DTNA: variants seen among roughly 807,000 people sequenced by gnomAD.
The protein encoded by DTNA is dystrophin-related protein 3.
A neutral mutation model predicts 100.7 loss-of-function variants in DTNA; 43 were observed. The ratio of observed to expected loss-of-function variants is 0.43; its 90% confidence interval spans 0.33 to 0.55. The LOEUF is 0.55. DTNA is among the 20% of genes least tolerant of loss of function. The pLI, the probability that DTNA is intolerant of heterozygous loss-of-function variation, is 0.04. For synonymous variants in DTNA, 349 were observed against 347.9 expected, an observed-to-expected ratio of 1.00 and a Z score of -0.04; for missense variants, 798 against 953.9, an observed-to-expected ratio of 0.84 and a Z score of 2.15.
In DTNA at chr18:34,824,531, C is replaced by A. The variant is rs142440435; in HGVS notation, c.1002-3062C>A. Reference sequence around the variant, plus strand: ...GGCACATGTATACCTACGTAACAAACCTGCAGGTTCTGCACATGTACCCCA... The same window carrying A: ...GGCACATGTATACCTACGTAACAAAACTGCAGGTTCTGCACATGTACCCCA... On this transcript the variant is annotated intron_variant, in intron 9 of 22. Coordinates refer to ENST00000444659, the MANE Select transcript of DTNA (RefSeq NM_001386795.1). 6.3e-3 allele frequency among the ~76,000 whole-genome samples: 955 copies of A among 151,816 alleles called. 14 individuals are homozygous for A. Among genetic ancestry groups the A allele is most frequent in the African/African-American group, 0.022 (909 of 41,406 alleles).
intron 3 of DTNA, among the ~76,000 whole-genome samples, chr18:34,792,593 T>C (rs559356506): frequency 2.0e-5 from 3 of 152,328 alleles, no homozygotes; most frequent in South Asian, 4.1e-4. Context: ...ACGGAAACTG[T>C]TATATTTCAT....
intron 1 of DTNA, among the ~76,000 whole-genome samples, chr18:34,595,237 T>C (rs1415429914): frequency 1.3e-5 from 2 of 152,278 alleles, no homozygotes; most frequent in East Asian, 3.8e-4. Context: ...TGCATGCACC[T>C]GGGTGCTCAC....
intron 4 of DTNA, among the ~76,000 whole-genome samples, chr18:34,802,228 T>C (rs2095240668): frequency 6.6e-6 from 1 of 152,212 alleles, no homozygotes; most frequent in African/African-American, 2.4e-5. Flanking sequence ...CAGCACACAC[T>C]GGTGGTTGGC....
chr18:34,846,563 T>A (rs1252479750), intron 13 of DTNA, among the ~76,000 whole-genome samples: 1 of 152,020 alleles, frequency 6.6e-6, no homozygotes, highest in Non-Finnish European at 1.5e-5. Context: ...GGGCTAAGTC[T>A]AGAGTGGAAG....
At chr18:34,573,566 T>G (rs1402828980) in intron 1 of DTNA, among the ~76,000 whole-genome samples, 1 of 152,212 alleles carries the variant, frequency 6.6e-6, no homozygotes, top group Non-Finnish European at 1.5e-5. Context: ...TAGGCTCTTT[T>G]TTATTCTTCT....
intron 17 of DTNA, chr18:34,866,166 C>T: frequency 6.2e-7 from 1 of 1,614,156 alleles, no homozygotes; most frequent in South Asian, 1.1e-5. Context: ...TCTTAACTAA[C>T]AGTGGAGGGG....
intron 10 of DTNA, among the ~76,000 whole-genome samples, chr18:34,828,701 G>GA (rs1187488670): frequency 6.6e-6 from 1 of 152,168 alleles, no homozygotes; most frequent in Non-Finnish European, 1.5e-5. Context: ...GAATATGGCA[G>GA]AAAATGGGGT....
chr18:34,703,466 G>A (rs73946148), intron 1 of DTNA, among the ~76,000 whole-genome samples: 2,025 of 152,228 alleles, frequency 0.013, 36 homozygotes, highest in African/African-American at 0.043. Flanking sequence ...CTCCCTCACA[G>A]GCTTCTCTTC....
intron 9 of DTNA, among the ~76,000 whole-genome samples, chr18:34,825,872 A>G (rs1014639062): frequency 7.2e-5 from 11 of 152,222 alleles, no homozygotes; most frequent in Admixed American, 2.0e-4. Context: ...TTGCAAAGCT[A>G]CAATGAAGAT....
At chr18:34,846,569 G>A (rs2096382101) in intron 13 of DTNA, among the ~76,000 whole-genome samples, 1 of 152,032 alleles carries the variant, frequency 6.6e-6, no homozygotes, top group Non-Finnish European at 1.5e-5. Context: ...AGTCTAGAGT[G>A]GAAGTATTCA....
chr18:34,495,439 G>T (rs1310035478), intron 1 of DTNA, among the ~76,000 whole-genome samples: 1 of 152,094 alleles, frequency 6.6e-6, no homozygotes, highest in Admixed American at 6.5e-5. Context: ...AAAGCAAATG[G>T]CTAAAGCTAT....
At chr18:34,668,565 T>C (rs567487963) in intron 1 of DTNA, among the ~76,000 whole-genome samples, 1 of 152,314 alleles carries the variant, frequency 6.6e-6, no homozygotes, top group South Asian at 2.1e-4. Context: ...GGGCATTTAG[T>C]GCTATAAATT....
chr18:34,825,021 A>G (rs1168727383), intron 9 of DTNA, among the ~76,000 whole-genome samples: 1 of 151,816 alleles, frequency 6.6e-6, no homozygotes, highest in Non-Finnish European at 1.5e-5. Flanking sequence ...ACATACATAC[A>G]TTTGTATATG....
At position 34,556,510 on chromosome 18, in the gene DTNA, G is replaced by A. The variant is rs371076924; in HGVS notation, c.-2+62996G>A. Among the ~76,000 whole-genome samples the A allele has an allele frequency of 5.9e-5, 9 of 151,756 alleles. No individual in the cohort carries two copies. In the South Asian group the frequency reaches 6.3e-4, roughly 11 times the overall value. On this transcript the variant is annotated intron_variant, in intron 1 of 19. Transcript: ENST00000283365. The stretch of plus-strand genomic sequence containing the variant: ...GCATGATTTTGCAGCGGCTGGTACC[G>A]GTTGTTCCTTTCCATGTTTAGTGCT...
At chr18:34,536,142 CA>C (rs1275026472) in intron 1 of DTNA, among the ~76,000 whole-genome samples, 1 of 151,988 alleles carries the variant, frequency 6.6e-6, no homozygotes, top group Non-Finnish European at 1.5e-5. Context: ...GGACCTTTCT[CA>C]TTTTAAGTGG....
chr18:34,604,852 A>C lies in DTNA; in HGVS notation c.-2+111338A>C, dbSNP rs577260738. ...TCCTATATGGTACCCCAGTGGCCTC[A>C]AAGACACAATGTAGCTTCCCGAAAT... On this transcript the variant is annotated intron_variant, in intron 1 of 19. Transcript: ENST00000283365. 3.3e-5 allele frequency among the ~76,000 whole-genome samples: 5 copies of C among 152,312 alleles called. No homozygotes were observed. In the South Asian group the frequency reaches 1.0e-3, roughly 32 times the overall value.
chr18:34,834,120 T>C (rs2096077942), intron 11 of DTNA, among the ~76,000 whole-genome samples: 1 of 152,140 alleles, frequency 6.6e-6, no homozygotes, highest in African/African-American at 2.4e-5. Context: ...CTTGAAGGGA[T>C]CATAATAAGC....
At chr18:34,595,796 G>C (rs1434662135) in intron 1 of DTNA, among the ~76,000 whole-genome samples, 1 of 152,192 alleles carries the variant, frequency 6.6e-6, no homozygotes, top group Non-Finnish European at 1.5e-5. Context: ...AGAAGACTTT[G>C]GTTTGCTTCT....
intron 3 of DTNA, among the ~76,000 whole-genome samples, chr18:34,774,231 G>A (rs1356974561): frequency 1.3e-5 from 2 of 152,220 alleles, no homozygotes; most frequent in African/African-American, 4.8e-5. Context: ...CCTTCCCCTG[G>A]TGGCCTGCCA....
Sources: allele counts gnomAD v4.1 joint callset (sites outside exome capture counted in the v4.1 genomes callset), GRCh38; gene constraint gnomAD v4.1.1; transcripts MANE v1.5; gene names NCBI Gene and HGNC (gene_info 2026-07-23, HGNC 2026-07-21).